The following DOCK8 variants were observed in gnomAD, a reference collection of about 807,000 sequenced individuals.
DOCK8 encodes dedicator of cytokinesis 8, also known as dedicator of cytokinesis protein 8.
A neutral mutation model predicts 245.6 loss-of-function variants in DOCK8; 141 were observed. That is an observed-to-expected ratio of 0.57 (90% CI 0.50 to 0.66). DOCK8 has a LOEUF of 0.66. DOCK8 is among the 30% of genes least tolerant of loss of function. DOCK8 has a pLI of 0.00. For missense variants in DOCK8, 2,965 were observed against 2,603.4 expected, an observed-to-expected ratio of 1.14 and a Z score of -3.02; for synonymous variants, 1,168 against 970.2, an observed-to-expected ratio of 1.20 and a Z score of -3.79.
chr9:356,694 A>G (rs1586786231), intron 14 of DOCK8, among the ~76,000 whole-genome samples: 1 of 152,244 alleles, frequency 6.6e-6, no homozygotes, highest in East Asian at 1.9e-4. Context: ...GCACACCTTC[A>G]GTCCATAAAT....
At chr9:280,225 C>T (rs2048519630) in intron 2 of DOCK8, among the ~76,000 whole-genome samples, 1 of 152,078 alleles carries the variant, frequency 6.6e-6, no homozygotes, top group Non-Finnish European at 1.5e-5. Flanking sequence ...TGTTTCTAGT[C>T]TACTGACCAG....
intron 32 of DOCK8, among the ~76,000 whole-genome samples, chr9:421,780 A>C (rs1369429478): frequency 6.6e-6 from 1 of 152,174 alleles, no homozygotes; most frequent in African/African-American, 2.4e-5. Context: ...AAGCCCCCAG[A>C]GTTTCACAGG....
chr9:408,325 G>C (rs1424925461), intron 28 of DOCK8, among the ~76,000 whole-genome samples: 1 of 152,196 alleles, frequency 6.6e-6, no homozygotes, highest in Non-Finnish European at 1.5e-5. Flanking sequence ...GTGACTCTAT[G>C]TCTGCGTCTC....
chr9:376,070 C>T (rs2053502280), intron 18 of DOCK8, 140 bp from the exon 19 acceptor site: 1 of 717,470 alleles, frequency 1.4e-6, no homozygotes, highest in South Asian at 1.5e-5. Flanking sequence ...CTCCTGACTC[C>T]AAGAACAGTT....
chr9:333,333 G>T (rs187370724), intron 10 of DOCK8, among the ~76,000 whole-genome samples: 13 of 152,238 alleles, frequency 8.5e-5, no homozygotes, highest in Admixed American at 2.6e-4. Context: ...CGGGCGTGGT[G>T]GCTCACACCT....
At chr9:214,853 C>T (rs764109662), upstream of DOCK8, 2 of 1,602,366 alleles carry the variant, frequency 1.2e-6, no homozygotes, top group Non-Finnish European at 1.7e-6. Context: ...GCGGAAGTTT[C>T]CAGCGCCGAC....
intron 14 of DOCK8, among the ~76,000 whole-genome samples, chr9:353,828 G>C (rs976884388): frequency 3.9e-5 from 6 of 152,070 alleles, no homozygotes; most frequent in Admixed American, 3.9e-4. Context: ...GTGGTGCTTT[G>C]GGGGAAAAGG....
At position 434,802 on chromosome 9, in the gene DOCK8, G is replaced by A; in HGVS notation, c.4906G>A (p.Ala1636Thr). The change falls in exon 39 of 48, where the codon GCA becomes ACA. Residue 1636 changes from alanine (A) to threonine (T), a missense_variant. Physicochemically the swap from Ala to Thr is moderately conservative, Grantham distance 58 (BLOSUM62 0). This residue lies in a region of DOCK8 where 2,825 missense variants were observed against 2,453.5 expected (regional missense o/e 1.15). Transcript: ENST00000432829. Reference sequence around the variant, plus strand: ...CTTCAGAATTGCCAAGAGTTACCAGGCATCTCCTGATCTGCGGCTGACCTG... The same window carrying A: ...CTTCAGAATTGCCAAGAGTTACCAGACATCTCCTGATCTGCGGCTGACCTG... ...LMYRIAKSYQ[A>T]SPDLRLTWLQ... 1 of 1,614,060 alleles carries A rather than the reference G, an allele frequency of 6.2e-7. No homozygotes were observed. Among genetic ancestry groups the A allele is most frequent in the Non-Finnish European group, 8.5e-7 (1 of 1,180,036 alleles).
intron 26 of DOCK8, 97 bp from the exon 27 acceptor site, chr9:404,821 C>T: frequency 7.4e-7 from 1 of 1,353,582 alleles, no homozygotes. Context: ...AATTGATTGC[C>T]TTAACCTGGA....
chr9:312,163 C>T lies in DOCK8; in HGVS notation c.738C>T (p.Asp246=), dbSNP rs1410996715. The T allele has an allele frequency of 1.1e-5, 17 of 1,614,010 alleles. 1 individual carries two copies. The highest frequency in any genetic ancestry group is 5.5e-5 in the South Asian group (5 of 91,074). ...TCTTTGCCCTTTACCCATCAGTGGA[C>T]GAGGTGGGTGCCACTGTTTCCATAC... is the stretch of plus-strand genomic sequence containing the variant. The part of the protein sequence containing the change: ...AELFALYPSV[D]EEDAVEIRPV... Residue 246 remains aspartate (D), a synonymous_variant, in exon 6 of 48, where the codon GAC becomes GAT. Transcript: ENST00000432829.
At chr9:420,851 C>G in intron 31 of DOCK8, 98 bp from the exon 32 acceptor site, 1 of 1,531,430 alleles carries the variant, frequency 6.5e-7, no homozygotes, top group East Asian at 2.3e-5. Context: ...ACATGTCAAA[C>G]TTAGCTGGCA....
chr9:327,163 T>C (rs953775198), intron 8 of DOCK8, among the ~76,000 whole-genome samples: 81 of 152,254 alleles, frequency 5.3e-4, no homozygotes, highest in African/African-American at 1.9e-3. Context: ...CTCTGAGATA[T>C]TTATTCATAC....
At chr9:255,185 A>G (rs938687753) in intron 1 of DOCK8, among the ~76,000 whole-genome samples, 2 of 152,220 alleles carry the variant, frequency 1.3e-5, no homozygotes, top group Non-Finnish European at 2.9e-5. Flanking sequence ...TATGTGCCCA[A>G]TTATAAGTAT....
intron 1 of DOCK8, among the ~76,000 whole-genome samples, chr9:224,017 C>T (rs1276441493): frequency 1.3e-5 from 2 of 152,032 alleles, no homozygotes; most frequent in Non-Finnish European, 2.9e-5. Flanking sequence ...TAACATATAG[C>T]CGTGAAATAA....
chr9:288,627 TTCA>T (rs1162481373), intron 3 of DOCK8, among the ~76,000 whole-genome samples: 2 of 152,212 alleles, frequency 1.3e-5, no homozygotes, highest in African/African-American at 4.8e-5. Flanking sequence ...CGATTTAATC[TTCA>T]TCAAAGCTGT....
intron 39 of DOCK8, among the ~76,000 whole-genome samples, chr9:437,814 G>C (rs1342244340): frequency 6.6e-6 from 1 of 152,132 alleles, no homozygotes; most frequent in African/African-American, 2.4e-5. Context: ...CTGTAGATAC[G>C]GACACATTCT....
At chr9:368,787 G>C (rs1456416058) in intron 15 of DOCK8, 1 of 150,334 alleles carries the variant, frequency 6.7e-6, no homozygotes, top group Non-Finnish European at 1.5e-5. Context: ...ATAAGTCATA[G>C]AATTCAGTTA....
At chr9:323,114 C>A (rs1185888026) in intron 7 of DOCK8, among the ~76,000 whole-genome samples, 1 of 149,958 alleles carries the variant, frequency 6.7e-6, no homozygotes, top group African/African-American at 2.5e-5. Flanking sequence ...AAAAAGAAAG[C>A]CCCCAATTAA....
At chr9:265,994 A>T (rs1374421877) in intron 1 of DOCK8, among the ~76,000 whole-genome samples, 2 of 152,200 alleles carry the variant, frequency 1.3e-5, no homozygotes, top group African/African-American at 4.8e-5. Context: ...CACATATTTT[A>T]TAAAGAAATG....
Sources: allele counts gnomAD v4.1 joint callset (sites outside exome capture counted in the v4.1 genomes callset), GRCh38; gene constraint gnomAD v4.1.1; regional missense constraint gnomAD v4.1.1; transcripts MANE v1.5; gene names NCBI Gene and HGNC (gene_info 2026-07-23, HGNC 2026-07-21).